The following IRAK2 variants were observed in gnomAD, a reference collection of about 807,000 sequenced individuals.
The protein encoded by IRAK2 is interleukin 1 receptor associated kinase 2, also known as interleukin-1 receptor-associated kinase-like 2.
A neutral mutation model predicts 72.0 loss-of-function variants in IRAK2; 57 were observed. That is an observed-to-expected ratio of 0.79 (90% CI 0.64 to 0.99). The LOEUF (loss-of-function observed/expected upper bound fraction) is 0.99, where lower values mean the gene tolerates loss of function less well. IRAK2 is among the 50% of genes least tolerant of loss of function. The probability of loss-of-function intolerance (pLI) is 0.00; values close to 1 mark genes in which losing one functional copy is unlikely to be tolerated. For missense variants in IRAK2, 790 were observed against 794.4 expected, an observed-to-expected ratio of 0.99 and a Z score of 0.07; for synonymous variants, 293 against 312.7, an observed-to-expected ratio of 0.94 and a Z score of 0.67.
intron 1 of IRAK2, among the ~76,000 whole-genome samples, chr3:10,175,758 T>C (rs1195290705): frequency 2.6e-5 from 4 of 151,442 alleles, no homozygotes; most frequent in East Asian, 1.9e-4. Context: ...GGCGTGGTGG[T>C]GGGCGCCTGT....
At chr3:10,171,327 C>T (rs191899578) in intron 1 of IRAK2, among the ~76,000 whole-genome samples, 1 of 152,274 alleles carries the variant, frequency 6.6e-6, no homozygotes, top group Admixed American at 6.5e-5. Context: ...CTCTCTGAGC[C>T]TTTAGTTTCC....
intron 10 of IRAK2, among the ~76,000 whole-genome samples, chr3:10,233,323 A>G (rs953720560): frequency 5.9e-5 from 9 of 152,132 alleles, no homozygotes; most frequent in African/African-American, 9.7e-5. Context: ...AAGTGCTGGG[A>G]TTACAGGCAT....
chr3:10,210,680 A>T (rs888803674), intron 4 of IRAK2, among the ~76,000 whole-genome samples: 2 of 151,972 alleles, frequency 1.3e-5, no homozygotes, highest in Non-Finnish European at 2.9e-5. Context: ...TGAGCCCAGG[A>T]GTTGGAGACC....
At chr3:10,172,368 A>G (rs561467993) in intron 1 of IRAK2, among the ~76,000 whole-genome samples, 246 of 151,566 alleles carry the variant, frequency 1.6e-3, no homozygotes, top group African/African-American at 5.4e-3. Flanking sequence ...CTCCGTCTCA[A>G]AAAAACAAAC....
At chr3:10,227,572 G>A (rs1697799206) in intron 10 of IRAK2, among the ~76,000 whole-genome samples, 1 of 152,160 alleles carries the variant, frequency 6.6e-6, no homozygotes, top group Non-Finnish European at 1.5e-5. Flanking sequence ...GATGAGGAAA[G>A]CTGGCTCTGA....
intron 1 of IRAK2, among the ~76,000 whole-genome samples, chr3:10,167,477 C>T (rs1035172359): frequency 6.6e-6 from 1 of 151,546 alleles, no homozygotes; most frequent in Admixed American, 6.6e-5. Flanking sequence ...TGCAGTGGCG[C>T]AATCTCGGCT....
At chr3:10,226,174 A>G (rs1311430954) in intron 9 of IRAK2, among the ~76,000 whole-genome samples, 197 bp from the exon 10 acceptor site, 2 of 152,092 alleles carry the variant, frequency 1.3e-5, no homozygotes, top group Non-Finnish European at 2.9e-5. Flanking sequence ...ACAACCTTCC[A>G]CTGGCAGCTT....
chr3:10,172,598 G>A (rs535807028), intron 1 of IRAK2, among the ~76,000 whole-genome samples: 27 of 147,146 alleles, frequency 1.8e-4, no homozygotes, highest in African/African-American at 5.7e-4. Flanking sequence ...CCAGCACTTT[G>A]GGAGGCCGAG....
At chr3:10,168,546 G>A (rs1696741248) in intron 1 of IRAK2, among the ~76,000 whole-genome samples, 1 of 152,138 alleles carries the variant, frequency 6.6e-6, no homozygotes, top group Non-Finnish European at 1.5e-5. Context: ...ACCTGAGCCA[G>A]TGTGAAGTGG....
At chr3:10,205,961 G>T (rs966665826) in intron 3 of IRAK2, among the ~76,000 whole-genome samples, 3 of 152,172 alleles carry the variant, frequency 2.0e-5, no homozygotes, top group Non-Finnish European at 4.4e-5. Flanking sequence ...CAGCCTTTCT[G>T]CAGGACGGGG....
At chr3:10,239,203 C>T (rs11128511) in intron 12 of IRAK2, among the ~76,000 whole-genome samples, 164 bp downstream of exon 12, 5,096 of 152,280 alleles carry the variant, frequency 0.033, 271 homozygotes, top group African/African-American at 0.12. Flanking sequence ...ATCCTTGACA[C>T]CTCCCTCTCC....
intron 11 of IRAK2, among the ~76,000 whole-genome samples, chr3:10,236,528 A>G (rs1426830060): frequency 6.6e-6 from 1 of 151,710 alleles, no homozygotes; most frequent in African/African-American, 2.4e-5. Flanking sequence ...TTGTATTTTT[A>G]GTAGAGATGG....
intron 2 of IRAK2, among the ~76,000 whole-genome samples, chr3:10,190,728 A>G (rs1278333002): frequency 6.6e-6 from 1 of 152,204 alleles, no homozygotes; most frequent in East Asian, 1.9e-4. Context: ...TTTTGGACAC[A>G]TACTCAGATG....
In IRAK2 at chr3:10,210,687, G is replaced by A. The variant is rs560337158; in HGVS notation, c.528+995G>A. On this transcript the variant is annotated intron_variant, in intron 4 of 12. Coordinates refer to ENST00000256458, the MANE Select transcript of IRAK2 (RefSeq NM_001570.4). ...GGATCGCTTGAGCCCAGGAGTTGGA[G>A]ACCAGCCTAGGCAACACAGGGAGGC... 3.9e-5 allele frequency among the ~76,000 whole-genome samples: 6 copies of A among 152,110 alleles called. No individual in the cohort carries two copies. In the South Asian group the frequency reaches 1.2e-3, roughly 32 times the overall value.
At chr3:10,175,601 C>A (rs2073966560) in intron 1 of IRAK2, among the ~76,000 whole-genome samples, 1 of 151,664 alleles carries the variant, frequency 6.6e-6, no homozygotes, top group African/African-American at 2.4e-5. Context: ...AGAAAAGGTA[C>A]AAAATCAGCT....
chr3:10,207,767 T>C lies in IRAK2; in HGVS notation c.425-1822T>C, dbSNP rs565813379. Among the ~76,000 whole-genome samples the C allele has an allele frequency of 3.3e-5, 5 of 152,124 alleles. No homozygotes were observed. The South Asian group carries it at 1.0e-3, about 32-fold the overall frequency. On this transcript the variant is annotated intron_variant, in intron 3 of 12. Coordinates refer to ENST00000256458, the MANE Select transcript of IRAK2 (RefSeq NM_001570.4). ...CAGCACTTTGGGAGGCCGAGGCAAG[T>C]GGATCACTTGAGGTCAGGAGTTCAA...
intron 3 of IRAK2, among the ~76,000 whole-genome samples, chr3:10,201,729 G>A (rs1025872743): frequency 3.3e-5 from 5 of 152,268 alleles, no homozygotes; most frequent in East Asian, 3.9e-4. Context: ...CATTCTCACC[G>A]CCTCACCCCT....
intron 2 of IRAK2, among the ~76,000 whole-genome samples, chr3:10,199,722 C>T (rs557502225): frequency 6.5e-4 from 99 of 151,960 alleles, no homozygotes; most frequent in Non-Finnish European, 9.1e-4. Context: ...GGGAGGCAAA[C>T]GGACGCCATT....
At chr3:10,216,895 C>T (rs11465901) in intron 6 of IRAK2, 39 bp from the exon 7 acceptor site, 28,781 of 1,464,932 alleles carry the variant, frequency 0.02, 893 homozygotes, top group African/African-American at 0.13. Context: ...TCATTCTTTC[C>T]GTCTGACTCC....
Sources: gnomAD v4.1 joint callset for allele counts (sites outside exome capture counted in the v4.1 genomes callset) on GRCh38, gnomAD v4.1.1 for gene constraint, MANE v1.5 for transcripts, NCBI Gene and HGNC (gene_info 2026-07-23, HGNC 2026-07-21) for gene names.